The following SCAI variants were observed in gnomAD, a reference collection of about 807,000 sequenced individuals.
SCAI encodes the protein suppressor of cancer cell invasion.
Under a neutral mutation model 92.2 loss-of-function variants are expected in SCAI, and 24 were observed. The observed-to-expected ratio is 0.26, with a 90% CI of 0.19 to 0.37. The LOEUF is 0.37. SCAI is among the 10% of genes least tolerant of loss of function. SCAI has a pLI of 1.00. For missense variants in SCAI, 450 were observed against 736.2 expected (o/e 0.61, Z 4.50); for synonymous variants, 261 against 258.6 (o/e 1.01, Z -0.09).
chr9:124,982,170 C>T (rs1468385069), intron 14 of SCAI, among the ~76,000 whole-genome samples: 1 of 152,104 alleles, frequency 6.6e-6, no homozygotes, highest in African/African-American at 2.4e-5. Context: ...AGAAACTACG[C>T]TAGGCTTCAT....
intron 2 of SCAI, among the ~76,000 whole-genome samples, chr9:125,134,041 A>G (rs1835462343): frequency 6.6e-6 from 1 of 152,178 alleles, no homozygotes; most frequent in African/African-American, 2.4e-5. Flanking sequence ...CCACAGCCCA[A>G]GCTCTTAAAA....
chr9:125,126,224 G>A (rs1835269781), intron 2 of SCAI, among the ~76,000 whole-genome samples: 1 of 152,190 alleles, frequency 6.6e-6, no homozygotes, highest in Admixed American at 6.6e-5. Flanking sequence ...GGCCTCAGAA[G>A]ATCTACATCC....
chr9:125,000,945 A>C (rs867042557), intron 12 of SCAI, among the ~76,000 whole-genome samples: 4 of 152,210 alleles, frequency 2.6e-5, no homozygotes, highest in Non-Finnish European at 4.4e-5. Flanking sequence ...CAAAGGACCT[A>C]TCAAAGTACG....
chr9:125,086,900 T>G (rs567066092), intron 2 of SCAI, among the ~76,000 whole-genome samples: 1 of 152,306 alleles, frequency 6.6e-6, no homozygotes, highest in South Asian at 2.1e-4. Context: ...ATCATGAAGA[T>G]TAAGTGAGAA....
At chr9:125,099,533 C>G (rs1394674931) in intron 2 of SCAI, among the ~76,000 whole-genome samples, 1 of 152,172 alleles carries the variant, frequency 6.6e-6, no homozygotes, top group Non-Finnish European at 1.5e-5. Flanking sequence ...GCACCCGCCT[C>G]AGCCTCCCAA....
chr9:125,087,529 A>T (rs1196328943), intron 2 of SCAI, among the ~76,000 whole-genome samples: 1 of 152,260 alleles, frequency 6.6e-6, no homozygotes, highest in Admixed American at 6.5e-5. Context: ...GGCGATTTGT[A>T]AAACAGACAC....
At chr9:125,005,386 C>T (rs1266792787) in intron 9 of SCAI, among the ~76,000 whole-genome samples, 1 of 152,198 alleles carries the variant, frequency 6.6e-6, no homozygotes, top group Non-Finnish European at 1.5e-5. Context: ...GGCTGGAGTG[C>T]AACGGCGCAA....
At chr9:125,012,926 A>T (rs1272900031) in intron 9 of SCAI, among the ~76,000 whole-genome samples, 1 of 151,088 alleles carries the variant, frequency 6.6e-6, no homozygotes, top group Admixed American at 6.6e-5. Flanking sequence ...CTCCTGAATG[A>T]CTACTGGGTA....
At chr9:125,027,823 C>G (rs112612228) in intron 5 of SCAI, among the ~76,000 whole-genome samples, 40 of 152,194 alleles carry the variant, frequency 2.6e-4, no homozygotes, top group African/African-American at 8.9e-4. Flanking sequence ...CATTTTATTG[C>G]CTTTTAGATT....
chr9:125,135,878 A>C (rs997481601), intron 2 of SCAI, among the ~76,000 whole-genome samples: 2 of 149,956 alleles, frequency 1.3e-5, no homozygotes, highest in Admixed American at 1.3e-4. Flanking sequence ...CTGAGGCAGG[A>C]GGATCACTTG....
intron 2 of SCAI, among the ~76,000 whole-genome samples, chr9:125,137,132 G>A (rs955070636): frequency 2.6e-5 from 4 of 152,082 alleles, no homozygotes; most frequent in African/African-American, 9.7e-5. Flanking sequence ...GGTCTTAACT[G>A]TACATTTTGT....
intron 14 of SCAI, among the ~76,000 whole-genome samples, chr9:124,983,503 C>G (rs1347107792): frequency 6.6e-6 from 1 of 152,194 alleles, no homozygotes; most frequent in Non-Finnish European, 1.5e-5. Flanking sequence ...CAGGCATGTG[C>G]CACCACACCC....
At chr9:124,990,862 T>G (rs1327110190) in intron 14 of SCAI, among the ~76,000 whole-genome samples, 1 of 152,138 alleles carries the variant, frequency 6.6e-6, no homozygotes. Context: ...AGTGAGTAGT[T>G]CTCTCACCAG....
chr9:125,024,401 G>A (rs1194477078), intron 6 of SCAI, among the ~76,000 whole-genome samples: 1 of 151,472 alleles, frequency 6.6e-6, no homozygotes, highest in African/African-American at 2.4e-5. Flanking sequence ...TCAGCCTCCT[G>A]AGTAGCTCGG....
intron 2 of SCAI, among the ~76,000 whole-genome samples, chr9:125,090,336 G>A (rs898885464): frequency 6.6e-6 from 1 of 151,784 alleles, no homozygotes; most frequent in Non-Finnish European, 1.5e-5. Flanking sequence ...AAACGAGGGA[G>A]GATGTGGAGG....
chr9:125,020,941 T>C (rs1404065966), intron 6 of SCAI, among the ~76,000 whole-genome samples, 172 bp from the exon 7 acceptor site: 1 of 152,218 alleles, frequency 6.6e-6, no homozygotes, highest in Non-Finnish European at 1.5e-5. Context: ...TTTATTAAGC[T>C]GTTTACTCAT....
intron 17 of SCAI, among the ~76,000 whole-genome samples, chr9:124,964,696 C>T (rs1831505111): frequency 2.6e-5 from 4 of 152,194 alleles, no homozygotes; most frequent in Admixed American, 2.6e-4. Context: ...TGGACAGCCA[C>T]GGCATTGCCA....
At chr9:125,036,436 G>A (rs990088189) in intron 3 of SCAI, among the ~76,000 whole-genome samples, 1 of 152,068 alleles carries the variant, frequency 6.6e-6, no homozygotes, top group African/African-American at 2.4e-5. Context: ...AGTGATAAAA[G>A]TATATTTGAG....
intron 2 of SCAI, among the ~76,000 whole-genome samples, chr9:125,061,253 C>T (rs891284565): frequency 6.6e-6 from 1 of 151,944 alleles, no homozygotes; most frequent in Non-Finnish European, 1.5e-5. Flanking sequence ...GCAGAGATCG[C>T]GCGACTGCAC....
Sources: gnomAD v4.1 joint callset for allele counts (sites outside exome capture counted in the v4.1 genomes callset) on GRCh38, gnomAD v4.1.1 for gene constraint, MANE v1.5 for transcripts, NCBI Gene and HGNC (gene_info 2026-07-23, HGNC 2026-07-21) for gene names.